The following TPP2 variants were observed in gnomAD, a reference collection of about 807,000 sequenced individuals.
TPP2 encodes the protein tripeptidyl-peptidase 2.
A neutral mutation model predicts 155.9 loss-of-function variants in TPP2; 34 were observed. The observed-to-expected ratio is 0.22, with a 90% CI of 0.17 to 0.29. TPP2 has a LOEUF of 0.29. TPP2 is among the 10% of genes least tolerant of loss of function. The pLI, the probability that TPP2 is intolerant of heterozygous loss-of-function variation, is 1.00. For missense variants in TPP2, 1,028 were observed against 1,522.3 expected (o/e 0.68, Z 5.40); for synonymous variants, 510 against 529.4 (o/e 0.96, Z 0.50).
At chr13:102,607,671 C>T (rs1271297768) in intron 2 of TPP2, 1 of 448,648 alleles carries the variant, frequency 2.2e-6, no homozygotes, top group Admixed American at 2.4e-5. Context: ...ACCTCGACCT[C>T]TGCTTCCTGT....
In TPP2 at chr13:102,648,905, A is replaced by T; in HGVS notation, c.2629-2A>T. On this transcript the variant is annotated splice_acceptor_variant, in intron 21 of 29. Transcript: ENST00000376052. LOFTEE classifies it high-confidence loss of function. ...TTCCCAAATGTTGTTTTTCTTTTTCAGTATTCTTTGAAACTGGAGAAAGGA... is the reference window on the plus strand; with the variant it reads ...TTCCCAAATGTTGTTTTTCTTTTTCTGTATTCTTTGAAACTGGAGAAAGGA... The T allele has an allele frequency of 6.3e-7, 1 of 1,577,018 alleles. No homozygotes were observed. Among genetic ancestry groups the T allele is most frequent in the Admixed American group, 2.0e-5 (1 of 49,662 alleles).
At chr13:102,660,394 T>TAA (rs1190234240) in intron 25 of TPP2, among the ~76,000 whole-genome samples, 2 of 151,866 alleles carry the variant, frequency 1.3e-5, no homozygotes, top group African/African-American at 2.4e-5. Context: ...GAATCCCATT[T>TAA]ACAGTAACAT....
At chr13:102,658,765 G>A (rs979357184) in intron 25 of TPP2, among the ~76,000 whole-genome samples, 1 of 152,002 alleles carries the variant, frequency 6.6e-6, no homozygotes, top group African/African-American at 2.4e-5. Context: ...GCTCCTGGGG[G>A]AGGGAAGGCT....
intron 5 of TPP2, among the ~76,000 whole-genome samples, chr13:102,620,269 T>G (rs549895332): frequency 1.3e-5 from 2 of 152,330 alleles, no homozygotes; most frequent in Admixed American, 1.3e-4. Context: ...GGGTTTTGTT[T>G]AGAACTTTTG....
Position 102,627,050 on chromosome 13 carries a change from C to T in TPP2, c.823C>T (p.His275Tyr), listed in dbSNP as rs758065856. The T allele has an allele frequency of 5.0e-6, 8 of 1,597,844 alleles. No individual in the cohort carries two copies. The highest frequency in any genetic ancestry group is 5.1e-6 in the Non-Finnish European group (6 of 1,172,306). ...GTHVASIAAG[H>Y]FPEEPERNGV... ...ACATGTAGCTAGTATAGCTGCTGGA[C>T]ACTTTCCAGAAGAACCTGAACGGAA... The change falls in exon 7 of 30, where the codon CAC becomes TAC. Residue 275 changes from histidine (H) to tyrosine (Y), a missense_variant. His to Tyr is a moderately conservative substitution (Grantham distance 83, BLOSUM62 2). Coordinates refer to ENST00000376052, the MANE Select transcript of TPP2 (RefSeq NM_001330588.2).
intron 2 of TPP2, among the ~76,000 whole-genome samples, chr13:102,606,134 T>A (rs1266508415): frequency 6.6e-6 from 1 of 152,222 alleles, no homozygotes; most frequent in African/African-American, 2.4e-5. Context: ...GCATGAAGGA[T>A]GGATGGCAAG....
chr13:102,678,548 T>C lies in TPP2; in HGVS notation c.*232T>C, dbSNP rs1885433926. 2.4e-6 allele frequency: 1 copy of C among 415,890 alleles called. No homozygotes were observed. 25.8% of individuals were successfully genotyped at this position (415,890 alleles called of 1,614,324 possible). On this transcript the variant is annotated 3_prime_UTR_variant, in exon 30 of 30. Transcript: ENST00000376052. The stretch of plus-strand genomic sequence containing the variant: ...ATGCCTCACATTGCTGGCACGGGGA[T>C]GTGCCCTGCCTGCCAGCACCTAGGA...
chr13:102,674,351 A>G lies in TPP2; in HGVS notation c.3440A>G (p.His1147Arg), dbSNP rs1202594655. The G allele has an allele frequency of 5.6e-6, 9 of 1,613,858 alleles. No individual in the cohort carries two copies. In the Admixed American group the frequency reaches 8.3e-5, roughly 15 times the overall value. Residue 1147 changes from histidine (H) to arginine (R), a missense_variant, in exon 28 of 30, where the codon CAT (histidine) becomes CGT (arginine). Coordinates refer to ENST00000376052, the MANE Select transcript of TPP2 (RefSeq NM_001330588.2). The part of the protein sequence containing the change: ...LCRKGCALAD[H>R]LLHTQAQDGA... ...AGGAAAGGTTGTGCCCTGGCAGACCATCTTCTTCACACCCAGGCTCAAGAC... is the reference window on the plus strand; with the variant it reads ...AGGAAAGGTTGTGCCCTGGCAGACCGTCTTCTTCACACCCAGGCTCAAGAC...
rs1173068807 is a variant in TPP2 at position 102,597,042 on chromosome 13, G to A, written c.4G>A (p.Ala2Thr). ...CCTCGTCCTCCATCCTGCGTCCATGGCCACCGCTGCGACTGAGGAGCCCTT... is the reference window on the plus strand; with the variant it reads ...CCTCGTCCTCCATCCTGCGTCCATGACCACCGCTGCGACTGAGGAGCCCTT... The part of the protein sequence containing the change: M[A>T]TAATEEPFPF... Residue 2 changes from alanine (A) to threonine (T), a missense_variant, in exon 1 of 30, where the codon GCC (alanine) becomes ACC (threonine). By Grantham distance (58) the Ala-to-Thr change is moderately conservative. Coordinates refer to ENST00000376052, the MANE Select transcript of TPP2 (RefSeq NM_001330588.2). The A allele has an allele frequency of 6.2e-7, 1 of 1,611,394 alleles. No individual in the cohort carries two copies. Among genetic ancestry groups the A allele is most frequent in the Non-Finnish European group, 8.5e-7 (1 of 1,179,312 alleles).
intron 25 of TPP2, among the ~76,000 whole-genome samples, chr13:102,657,899 C>T (rs572665675): frequency 6.6e-6 from 1 of 152,236 alleles, no homozygotes; most frequent in East Asian, 1.9e-4. Flanking sequence ...AAAAACCAGC[C>T]ATTACTGCTG....
chr13:102,606,399 T>G (rs999911164), intron 2 of TPP2, among the ~76,000 whole-genome samples: 6 of 152,180 alleles, frequency 3.9e-5, no homozygotes, highest in African/African-American at 1.4e-4. Flanking sequence ...GCATGGCTTT[T>G]TGTGGGTCTC....
intron 27 of TPP2, among the ~76,000 whole-genome samples, chr13:102,667,145 C>T (rs1413009669): frequency 6.6e-6 from 1 of 152,140 alleles, no homozygotes; most frequent in African/African-American, 2.4e-5. Flanking sequence ...TTTCTCATTT[C>T]CATGCAAAAT....
rs752931660 is a variant in TPP2, at chr13:102,664,909, G to A, written c.3355G>A (p.Ala1119Thr). The change falls in exon 27 of 30, where the codon GCA becomes ACA. Residue 1119 changes from alanine to threonine, a missense_variant. By Grantham distance (58) the Ala-to-Thr change is moderately conservative. Around this residue, in one of 7 missense-constraint regions of TPP2, gnomAD observed 116 missense variants for 117.3 expected, o/e 0.99. Coordinates refer to ENST00000376052, the MANE Select transcript of TPP2 (RefSeq NM_001330588.2). Reference protein sequence around the residue: ...IAMKTDPRPDAATIKNDMDKQ... With the variant: ...IAMKTDPRPDTATIKNDMDKQ... ...AATGAAGACTGATCCCAGGCCTGAT[G>A]CAGCTACTATAAAAAAGTACCTAAC... is the stretch of plus-strand genomic sequence containing the variant. The A allele has an allele frequency of 1.2e-6, 2 of 1,612,310 alleles. No individual in the cohort carries two copies. Among genetic ancestry groups the A allele is most frequent in the African/African-American group, 2.7e-5 (2 of 74,848 alleles).
chr13:102,600,260 A>G (rs3783231), intron 1 of TPP2, among the ~76,000 whole-genome samples: 98,212 of 151,978 alleles, frequency 0.65, 33,078 homozygotes, highest in African/African-American at 0.85. Flanking sequence ...ACATGCCTTT[A>G]CATGTGGCGT....
At chr13:102,663,600 C>G in intron 25 of TPP2, 48 bp from the exon 26 acceptor site, 1 of 1,354,994 alleles carries the variant, frequency 7.4e-7, no homozygotes, top group Non-Finnish European at 9.9e-7. Context: ...GACAAATAGT[C>G]TTTTTAAAAG....
chr13:102,671,672 G>A (rs1302765670), intron 27 of TPP2, among the ~76,000 whole-genome samples: 1 of 152,094 alleles, frequency 6.6e-6, no homozygotes, highest in Non-Finnish European at 1.5e-5. Flanking sequence ...TTCTAATGCC[G>A]CTTGCCTAAG....
intron 4 of TPP2, among the ~76,000 whole-genome samples, chr13:102,617,861 A>G (rs1208814591): frequency 2.6e-5 from 4 of 152,200 alleles, no homozygotes; most frequent in East Asian, 1.9e-4. Flanking sequence ...CAGGAAGGCC[A>G]TGTTCCAGTA....
chr13:102,657,601 A>G (rs1187531472), intron 25 of TPP2, among the ~76,000 whole-genome samples: 1 of 151,986 alleles, frequency 6.6e-6, no homozygotes, highest in East Asian at 1.9e-4. Context: ...CTTTTTTATT[A>G]TGATTTAACA....
In TPP2 at chr13:102,616,278, C is replaced by T. The variant is rs1880716947; in HGVS notation, c.391-118C>T. 6.4e-6 allele frequency: 5 copies of T among 777,536 alleles called. No individual in the cohort carries two copies. The Admixed American group carries it at 1.5e-4, about 23-fold the overall frequency. The allele number at this position is 777,536 out of a possible 1,614,324, so 48.2% of individuals were successfully genotyped here. On this transcript the variant is annotated intron_variant, in intron 3 of 29. Coordinates refer to ENST00000376052, the MANE Select transcript of TPP2 (RefSeq NM_001330588.2). Reference sequence around the variant, plus strand: ...GGCCAAAAATGATTTTTTAAAACCTCTCTATGAGAATTGTGTAGTATCACA... The same window carrying T: ...GGCCAAAAATGATTTTTTAAAACCTTTCTATGAGAATTGTGTAGTATCACA...
Sources: allele counts gnomAD v4.1 joint callset (sites outside exome capture counted in the v4.1 genomes callset), GRCh38; gene constraint gnomAD v4.1.1; regional missense constraint gnomAD v4.1.1; transcripts MANE v1.5; gene names NCBI Gene and HGNC (gene_info 2026-07-23, HGNC 2026-07-21).